GPHN: variants seen among roughly 807,000 people sequenced by gnomAD.
GPHN encodes the protein gephyrin.
GPHN carries 17 observed loss-of-function variants against 95.5 expected under a neutral mutation model. That is an observed-to-expected ratio of 0.18 (90% CI 0.12 to 0.27). The LOEUF is 0.27. Ranked by LOEUF, GPHN falls within the 10% of genes least tolerant of loss-of-function variation. The pLI is 1.00. For synonymous variants in GPHN, 320 were observed against 322.5 expected, an observed-to-expected ratio of 0.99 and a Z score of 0.08; for missense variants, 660 against 978.1, an observed-to-expected ratio of 0.67 and a Z score of 4.34.
chr14:66,935,728 A>G (rs1388141045), intron 8 of GPHN, among the ~76,000 whole-genome samples: 1 of 151,872 alleles, frequency 6.6e-6, no homozygotes, highest in Non-Finnish European at 1.5e-5. Flanking sequence ...GTGCACGTAT[A>G]CATGTGTTTA....
chr14:66,561,650 A>G (rs1195233307), intron 1 of GPHN, among the ~76,000 whole-genome samples: 1 of 152,146 alleles, frequency 6.6e-6, no homozygotes, highest in African/African-American at 2.4e-5. Context: ...TTTAATCTAT[A>G]TATGTGTATT....
the GPHN span, among the ~76,000 whole-genome samples, chr14:67,339,248 T>C: frequency 3.3e-5 from 5 of 152,134 alleles, no homozygotes; most frequent in African/African-American, 7.2e-5. Context: ...CCACCCGCCT[T>C]GGCCTCCCAA....
the GPHN span, among the ~76,000 whole-genome samples, chr14:67,644,209 C>T: frequency 6.6e-6 from 1 of 152,164 alleles, no homozygotes; most frequent in Non-Finnish European, 1.5e-5. Flanking sequence ...AGCTGTTGAA[C>T]ATTTTCAAGA....
chr14:67,538,127 T>C, the GPHN span, among the ~76,000 whole-genome samples: 3 of 152,124 alleles, frequency 2.0e-5, no homozygotes, highest in Non-Finnish European at 4.4e-5. Flanking sequence ...GAAAAAAAAA[T>C]TGAGCTGAGT....
chr14:67,576,289 A>G, the GPHN span: 1 of 655,594 alleles, frequency 1.5e-6, no homozygotes, highest in East Asian at 2.7e-5. This position sits in a 1 kb window ranked among gnomAD's most constrained non-coding sequence, Gnocchi z 4.0. Context: ...CAACCAAACT[A>G]GCTGAACCCC....
the GPHN span, among the ~76,000 whole-genome samples, chr14:67,210,577 T>C: frequency 6.6e-6 from 1 of 152,166 alleles, no homozygotes; most frequent in East Asian, 1.9e-4. Flanking sequence ...TAGTTGATGA[T>C]AAAAGGAATA....
At chr14:67,730,776 G>A in the GPHN span, among the ~76,000 whole-genome samples, 1 of 152,022 alleles carries the variant, frequency 6.6e-6, no homozygotes, top group Non-Finnish European at 1.5e-5. Flanking sequence ...ACTAGTTTTT[G>A]TATTTTTAGT....
chr14:66,592,625 G>GTCA (rs2061776189), intron 1 of GPHN, among the ~76,000 whole-genome samples: 4 of 152,140 alleles, frequency 2.6e-5, no homozygotes, highest in Non-Finnish European at 5.9e-5. Context: ...CAGTTAAAAT[G>GTCA]GCTATCATTA....
At chr14:67,265,582 C>T in the GPHN span, among the ~76,000 whole-genome samples, 370 of 151,390 alleles carry the variant, frequency 2.4e-3, 2 homozygotes, top group Non-Finnish European at 3.6e-3. Context: ...AAAAAGCCAG[C>T]GCAGTGGCTC....
the GPHN span, among the ~76,000 whole-genome samples, chr14:67,602,029 T>G: frequency 2.6e-5 from 4 of 152,248 alleles, no homozygotes; most frequent in Non-Finnish European, 5.9e-5. Context: ...TTTTCTAGTT[T>G]TATTTCTGTG....
intron 2 of GPHN, among the ~76,000 whole-genome samples, chr14:66,695,508 G>A (rs944879201): frequency 2.0e-5 from 3 of 152,148 alleles, no homozygotes; most frequent in Non-Finnish European, 2.9e-5. Flanking sequence ...TTGCCCCTTG[G>A]TATTTATCCA....
intron 4 of GPHN, among the ~76,000 whole-genome samples, chr14:66,858,870 C>G (rs1164951103): frequency 1.3e-5 from 2 of 152,102 alleles, no homozygotes; most frequent in African/African-American, 4.8e-5. Context: ...CCTGACAGTA[C>G]TCCCCTTGGG....
intron 1 of GPHN, among the ~76,000 whole-genome samples, chr14:66,581,529 A>G (rs2061171724): frequency 6.6e-6 from 1 of 152,032 alleles, no homozygotes; most frequent in Admixed American, 6.6e-5. Flanking sequence ...CAATATAGCA[A>G]TAGTAAATCC....
At chr14:67,191,125 T>G in the GPHN span, among the ~76,000 whole-genome samples, 1 of 152,020 alleles carries the variant, frequency 6.6e-6, no homozygotes, top group Non-Finnish European at 1.5e-5. Flanking sequence ...TCCCAGCTAC[T>G]CAGGAGGCTG....
chr14:67,305,833 G>C, the GPHN span, among the ~76,000 whole-genome samples: 1 of 152,150 alleles, frequency 6.6e-6, no homozygotes, highest in Non-Finnish European at 1.5e-5. Flanking sequence ...AGAATAAAAG[G>C]CTGGTTTAAT....
the GPHN span, chr14:67,374,333 T>C: frequency 2.1e-6 from 1 of 487,260 alleles, no homozygotes; most frequent in Admixed American, 3.5e-5. Flanking sequence ...ACTTATGCAG[T>C]ATTTTGTTGA....
chr14:67,039,983 G>A (rs904613603), intron 10 of GPHN, among the ~76,000 whole-genome samples: 1 of 151,998 alleles, frequency 6.6e-6, no homozygotes, highest in Non-Finnish European at 1.5e-5. Context: ...CTTCCTCAAA[G>A]AGGTGATAAT....
the GPHN span, among the ~76,000 whole-genome samples, chr14:67,325,330 G>GAT: frequency 4.3e-4 from 65 of 152,100 alleles, no homozygotes; most frequent in African/African-American, 1.1e-3. Flanking sequence ...GTTAAGAAAT[G>GAT]ATATATATAT....
the GPHN span, among the ~76,000 whole-genome samples, chr14:67,341,733 GGAATA>G: frequency 6.6e-6 from 1 of 152,260 alleles, no homozygotes; most frequent in African/African-American, 2.4e-5. Context: ...GCGGTTTTGT[GGAATA>G]GAAAAGGGGG....
Sources: gnomAD v4.1 joint callset for allele counts (sites outside exome capture counted in the v4.1 genomes callset) on GRCh38, gnomAD v4.1.1 for gene constraint, Gnocchi (gnomAD v3.1) non-coding constraint, MANE v1.5 for transcripts, NCBI Gene and HGNC (gene_info 2026-07-23, HGNC 2026-07-21) for gene names.